Variants in SPTA1 observed in about 807,000 individuals in gnomAD.
The protein encoded by SPTA1 is spectrin alpha chain, erythrocytic 1.
In SPTA1, 177 loss-of-function variants were observed where a neutral mutation model predicts 324.7. The observed-to-expected ratio is 0.55, with a 90% CI of 0.48 to 0.62. The LOEUF (loss-of-function observed/expected upper bound fraction) is 0.62, where lower values mean the gene tolerates loss of function less well. Ranked by LOEUF, SPTA1 falls within the 20% of genes least tolerant of loss-of-function variation. The probability of loss-of-function intolerance (pLI) is 0.00; values close to 1 mark genes in which losing one functional copy is unlikely to be tolerated. For synonymous variants in SPTA1, 1,195 were observed against 1,041.3 expected, an observed-to-expected ratio of 1.15 and a Z score of -2.84; for missense variants, 3,162 against 2,883.6, an observed-to-expected ratio of 1.10 and a Z score of -2.21.
Position 158,638,074 on chromosome 1 carries a change from G to C in SPTA1, c.5148C>G (p.Phe1716Leu). The C allele has an allele frequency of 2.5e-6, 4 of 1,613,932 alleles. No homozygotes were observed. Among genetic ancestry groups the C allele is most frequent in the East Asian group, 2.2e-5 (1 of 44,880 alleles). Reference sequence around the variant, plus strand: ...CATCATCTAGATCCTGGAAGAACTGGAACAAGGCATAGGCCTCTTTCAATT... The same window carrying C: ...CATCATCTAGATCCTGGAAGAACTGCAACAAGGCATAGGCCTCTTTCAATT... ...HEKLKEAYAL[F>L]QFFQDLDDEE... The change falls in exon 36 of 52, where the codon TTC becomes TTG. Residue 1716 changes from phenylalanine to leucine, a missense_variant. Phe to Leu is a conservative substitution (Grantham distance 22). Coordinates refer to ENST00000643759, the MANE Select transcript of SPTA1 (RefSeq NM_003126.4).
In SPTA1 at chr1:158,647,591, T is replaced by C; in HGVS notation, c.3844A>G (p.Lys1282Glu). Reference protein sequence around the residue: ...EDLQGRTKDRKESLNEAQKFY... With the variant: ...EDLQGRTKDREESLNEAQKFY... ...TTCTGGGCCTCATTTAGGCTCTCCT[T>C]ACGATCCTTTGTACGCCCCTGCAGG... Residue 1282 changes from lysine (K) to glutamate (E), a missense_variant, in exon 27 of 52, where the codon AAG (lysine) becomes GAG (glutamate). Lys to Glu is a moderately conservative substitution (Grantham distance 56). Coordinates refer to ENST00000643759, the MANE Select transcript of SPTA1 (RefSeq NM_003126.4). The C allele has an allele frequency of 6.2e-7, 1 of 1,613,886 alleles. No individual in the cohort carries two copies. The highest frequency in any genetic ancestry group is 8.5e-7 in the Non-Finnish European group (1 of 1,179,910).
intron 16 of SPTA1, among the ~76,000 whole-genome samples, chr1:158,664,653 AC>A (rs1202431028): frequency 1.3e-5 from 2 of 152,250 alleles, no homozygotes; most frequent in Admixed American, 1.3e-4. Flanking sequence ...GTATCCCAGA[AC>A]TTAAAGTAAA....
intron 44 of SPTA1, 149 bp from the exon 45 acceptor site, chr1:158,619,483 G>A: frequency 1.3e-6 from 1 of 783,948 alleles, no homozygotes; most frequent in Non-Finnish European, 2.2e-6. Flanking sequence ...CATATTTCAT[G>A]CAGTCAACCT....
At position 158,610,826 on chromosome 1, in the gene SPTA1, C is replaced by G. The variant is rs1649204855; in HGVS notation, c.*438G>C. On this transcript the variant is annotated 3_prime_UTR_variant, in exon 52 of 52. Transcript: ENST00000643759. ...TCTACTATACCATGGCCCTTCTTTA[C>G]AGTAAAATTAGCTGCCCACTCTTAT... is the stretch of plus-strand genomic sequence containing the variant. 1.3e-5 allele frequency: 2 copies of G among 155,772 alleles called. No homozygotes were observed. Among genetic ancestry groups the G allele is most frequent in the South Asian group, 1.9e-4 (1 of 5,160 alleles). The allele number at this position is 155,772 out of a possible 1,614,324, so 9.6% of individuals were successfully genotyped here.
At chr1:158,626,053 A>G in intron 42 of SPTA1, 93 bp downstream of exon 42, 1 of 1,190,378 alleles carries the variant, frequency 8.4e-7, no homozygotes, top group Non-Finnish European at 1.2e-6. Context: ...GGCTACAGAC[A>G]ATAAAATCCC....
chr1:158,680,824 T>A, intron 4 of SPTA1, 95 bp from the exon 5 acceptor site: 1 of 1,515,434 alleles, frequency 6.6e-7, no homozygotes, highest in Non-Finnish European at 9.1e-7. Flanking sequence ...CCAGGATAAC[T>A]CAAATGGAGA....
intron 11 of SPTA1, among the ~76,000 whole-genome samples, 190 bp from the exon 12 acceptor site, chr1:158,671,643 T>C (rs1177176381): frequency 6.6e-6 from 1 of 152,108 alleles, no homozygotes; most frequent in Non-Finnish European, 1.5e-5. Context: ...CTCATACAAT[T>C]TTCTCACTTA....
At chr1:158,641,584 G>C (rs1469560077) in intron 33 of SPTA1, among the ~76,000 whole-genome samples, 2 of 152,206 alleles carry the variant, frequency 1.3e-5, no homozygotes, top group African/African-American at 4.8e-5. Context: ...GGTCATCAGA[G>C]AAATGCAAAT....
intron 18 of SPTA1, among the ~76,000 whole-genome samples, chr1:158,658,278 C>T (rs746050854): frequency 6.6e-6 from 1 of 152,150 alleles, no homozygotes; most frequent in Non-Finnish European, 1.5e-5. Flanking sequence ...CAGAGATCAA[C>T]ATTTGGGAAA....
intron 17 of SPTA1, 146 bp downstream of exon 17, chr1:158,662,556 A>T (rs1653299962): frequency 9.4e-7 from 1 of 1,058,924 alleles, no homozygotes. Flanking sequence ...AAATATTTTT[A>T]TGAAGGACTG....
intron 2 of SPTA1, among the ~76,000 whole-genome samples, chr1:158,683,845 A>T (rs77581363): frequency 9.0e-3 from 97 of 10,774 alleles, no homozygotes; most frequent in Middle Eastern, 0.17. Context: ...AATGGTTTTT[A>T]AAAAAAAAAA....
chr1:158,628,412 A>G (rs1650433036), intron 39 of SPTA1, among the ~76,000 whole-genome samples: 1 of 152,176 alleles, frequency 6.6e-6, no homozygotes, highest in African/African-American at 2.4e-5. Context: ...ACAACATAGT[A>G]AGTCAGGTTA....
intron 51 of SPTA1, 110 bp downstream of exon 51, chr1:158,612,707 G>GAAA: frequency 8.6e-6 from 9 of 1,041,554 alleles, no homozygotes; most frequent in Non-Finnish European, 7.0e-6. Flanking sequence ...GGGGAGGTCT[G>GAAA]AAAAAAAAAA....
Position 158,648,384 on chromosome 1 carries a change from A to G in SPTA1, c.3714+125T>C, listed in dbSNP as rs1049140940. Reference sequence around the variant, plus strand: ...TTAGGGACAGTGTACAAGAATAAATATGGCACAGAACAGAGAGAAATATAA... The same window carrying G: ...TTAGGGACAGTGTACAAGAATAAATGTGGCACAGAACAGAGAGAAATATAA... On this transcript the variant is annotated intron_variant, in intron 26 of 51. Coordinates refer to ENST00000643759, the MANE Select transcript of SPTA1 (RefSeq NM_003126.4). 4 of 1,387,032 alleles carry G rather than the reference A, an allele frequency of 2.9e-6. No homozygotes were observed. In the African/African-American group the frequency reaches 4.3e-5, roughly 15 times the overall value. The allele number at this position is 1,387,032 out of a possible 1,614,324, so 85.9% of individuals were successfully genotyped here. A position where few individuals can be genotyped will look rare whatever the true frequency, so the allele number is the denominator to read the frequency against.
intron 5 of SPTA1, 130 bp from the exon 6 acceptor site, chr1:158,678,664 T>C (rs1048233280): frequency 2.3e-5 from 27 of 1,173,234 alleles, no homozygotes; most frequent in Non-Finnish European, 3.3e-5. Context: ...AGCCAGACAC[T>C]GAACTTCATC....
intron 51 of SPTA1, chr1:158,611,754 G>A: frequency 4.2e-6 from 1 of 239,486 alleles, no homozygotes; most frequent in Non-Finnish European, 8.3e-6. Context: ...TTATGAGTAA[G>A]GTAAAATACT....
In SPTA1 at chr1:158,651,473, A is replaced by G; in HGVS notation, c.3376-5T>C. The G allele has an allele frequency of 6.3e-7, 1 of 1,593,262 alleles. No homozygotes were observed. The highest frequency in any genetic ancestry group is 8.6e-7 in the Non-Finnish European group (1 of 1,161,456). ...AGGCTCATTGGTATTCAAATCCTGA[A>G]TGGGAAAATTCATCCAAAGCAGTGT... On this transcript the variant is annotated splice_region_variant and splice_polypyrimidine_tract_variant and intron_variant, in intron 23 of 51. Coordinates refer to ENST00000643759, the MANE Select transcript of SPTA1 (RefSeq NM_003126.4).
At chr1:158,615,651 T>TAC (rs138402248) in intron 47 of SPTA1, among the ~76,000 whole-genome samples, 1 of 151,984 alleles carries the variant, frequency 6.6e-6, no homozygotes, top group Non-Finnish European at 1.5e-5. Flanking sequence ...TTAGTAGTTA[T>TAC]ACACACACAC....
chr1:158,612,360 T>C (rs1649308674), intron 51 of SPTA1: 1 of 213,936 alleles, frequency 4.7e-6, no homozygotes, highest in Non-Finnish European at 9.4e-6. Context: ...AGAAGAGAGA[T>C]TACTTCTGGT....
Sources: gnomAD v4.1 joint callset for allele counts (sites outside exome capture counted in the v4.1 genomes callset) on GRCh38, gnomAD v4.1.1 for gene constraint, MANE v1.5 for transcripts, NCBI Gene and HGNC (gene_info 2026-07-23, HGNC 2026-07-21) for gene names.